The following TRPM4 variants were observed in gnomAD, a reference collection of about 807,000 sequenced individuals.
TRPM4 encodes transient receptor potential cation channel subfamily M member 4, also known as calcium-activated non-selective cation channel 1.
In TRPM4, 124 loss-of-function variants were observed where a neutral mutation model predicts 135.6. That is an observed-to-expected ratio of 0.91 (90% confidence interval 0.79 to 1.06). The LOEUF (loss-of-function observed/expected upper bound fraction) is 1.06, where lower values mean the gene tolerates loss of function less well. Among genes scored for constraint, TRPM4 ranks in the 50% least tolerant of loss-of-function variants. The probability of loss-of-function intolerance (pLI) is 0.00; values close to 1 mark genes in which losing one functional copy is unlikely to be tolerated. For synonymous variants in TRPM4, 745 were observed against 705.6 expected, an observed-to-expected ratio of 1.06 and a Z score of -0.88; for missense variants, 1,658 against 1,671.4, an observed-to-expected ratio of 0.99 and a Z score of 0.14.
rs866515551 is a variant in TRPM4 at position 49,161,323 on chromosome 19, C to T, written c.92+3064C>T. 5.5e-3 allele frequency among the ~76,000 whole-genome samples: 558 copies of T among 101,236 alleles called. 11 individuals carry two copies. Among genetic ancestry groups the T allele is most frequent in the African/African-American group, 0.014 (385 of 26,776 alleles). 66.4% of individuals were successfully genotyped at this position (101,236 alleles called of 152,430 possible). A position where few individuals can be genotyped will look rare whatever the true frequency, so the allele number is the denominator to read the frequency against. On this transcript the variant is annotated intron_variant, in intron 2 of 24. Coordinates refer to ENST00000252826, the MANE Select transcript of TRPM4 (RefSeq NM_017636.4). ...AAATATCTGTCTTCTGTCTCTCTCT[C>T]TTTTTTTTTTTTTTTTTTTTTTGAG...
At chr19:49,158,144 G>T (rs1399492451) in intron 1 of TRPM4, 48 bp from the exon 2 acceptor site, 1 of 1,567,782 alleles carries the variant, frequency 6.4e-7, no homozygotes, top group Non-Finnish European at 8.8e-7. Flanking sequence ...GACAGAACTG[G>T]GTGCCCTCTC....
At chr19:49,167,798 C>T (rs1348848995) in intron 3 of TRPM4, 119 bp from the exon 4 acceptor site, 1 of 805,168 alleles carries the variant, frequency 1.2e-6, no homozygotes, top group Non-Finnish European at 2.1e-6. Flanking sequence ...CTGTCCCTCT[C>T]TCTCTGGGTC....
chr19:49,162,462 C>T (rs907404854), intron 2 of TRPM4, among the ~76,000 whole-genome samples: 1 of 151,998 alleles, frequency 6.6e-6, no homozygotes, highest in Non-Finnish European at 1.5e-5. Flanking sequence ...TCGCTTGAGC[C>T]CAGGTGGCAG....
chr19:49,197,009 C>T (rs1968681847), intron 17 of TRPM4, 135 bp downstream of exon 17: 2 of 860,214 alleles, frequency 2.3e-6, no homozygotes, highest in South Asian at 3.6e-5. Context: ...GAGAACCCCT[C>T]TTAGGAAAGT....
In TRPM4 at chr19:49,158,274, C is replaced by G. The variant is rs746991223; in HGVS notation, c.92+15C>G. On this transcript the variant is annotated intron_variant, in intron 2 of 24. Coordinates refer to ENST00000252826, the MANE Select transcript of TRPM4 (RefSeq NM_017636.4). The stretch of plus-strand genomic sequence containing the variant: ...ACAGATCCGGGGTGAGGAGTTCGCC[C>G]CTGGACTGACCCCAGAGGGTCCGCG... 3 of 1,612,920 alleles carry G rather than the reference C, an allele frequency of 1.9e-6. No individual in the cohort carries two copies. In the South Asian group the frequency reaches 3.3e-5, roughly 18 times the overall value.
At chr19:49,181,527 C>CTTAT in intron 10 of TRPM4, 66 bp downstream of exon 10, 41 of 830,402 alleles carry the variant, frequency 4.9e-5, no homozygotes, top group African/African-American at 8.5e-5. Context: ...CCCTCTCTGC[C>CTTAT]TTCTTTTTTT....
In TRPM4 at chr19:49,157,813, G is replaced by A. The variant is rs919964718; in HGVS notation, c.-54G>A. The A allele has an allele frequency of 3.3e-6, 5 of 1,533,322 alleles. No individual in the cohort carries two copies. In the African/African-American group the frequency reaches 5.5e-5, roughly 17 times the overall value. 95.0% of individuals were successfully genotyped at this position (1,533,322 alleles called of 1,614,324 possible). A position where few individuals can be genotyped will look rare whatever the true frequency, so the allele number is the denominator to read the frequency against. On this transcript the variant is annotated 5_prime_UTR_variant, in exon 1 of 25. Transcript: ENST00000252826. ...CTGGGCGGGTCTGGAAGCAGAGCCG[G>A]CGGAGGGAGCGCCGGGGCCCTGGGC... is the stretch of plus-strand genomic sequence containing the variant.
At chr19:49,170,375 G>A (rs529083236) in intron 6 of TRPM4, among the ~76,000 whole-genome samples, 39 of 152,136 alleles carry the variant, frequency 2.6e-4, no homozygotes, top group African/African-American at 9.2e-4. Flanking sequence ...TTTTGGTAGA[G>A]ACGGGGTTTC....
intron 12 of TRPM4, among the ~76,000 whole-genome samples, chr19:49,187,707 G>A (rs1159707686): frequency 1.3e-5 from 2 of 152,124 alleles, no homozygotes; most frequent in Non-Finnish European, 2.9e-5. Flanking sequence ...CCGGCTGTGC[G>A]GGAGACCTCA....
chr19:49,171,246 A>G lies in TRPM4; in HGVS notation c.797-111A>G. ...TGACAATTCCAATGAGCCTCTGAAC[A>G]GAAGATTAGGACAAGGCTGATGTTT... On this transcript the variant is annotated intron_variant, in intron 6 of 24. Coordinates refer to ENST00000252826, the MANE Select transcript of TRPM4 (RefSeq NM_017636.4). This position sits in a 1 kb window ranked among gnomAD's most constrained non-coding sequence, Gnocchi z 4.7. 8.8e-7 allele frequency: 1 copy of G among 1,137,646 alleles called. No individual in the cohort carries two copies. The highest frequency in any genetic ancestry group is 1.2e-5 in the South Asian group (1 of 80,760). 70.5% of individuals were successfully genotyped at this position (1,137,646 alleles called of 1,614,324 possible).
rs1225621427 is a variant in TRPM4, at chr19:49,171,145, G to A, written c.797-212G>A. Among the ~76,000 whole-genome samples, 1 of 152,150 alleles carries A rather than the reference G, an allele frequency of 6.6e-6. No individual in the cohort carries two copies. The highest frequency in any genetic ancestry group is 1.5e-5 in the Non-Finnish European group (1 of 68,022). ...AGTTGGGAGGATTGCTTGAGGCCAG[G>A]AGTTCGAGACCACCCTGGCCAACAT... On this transcript the variant is annotated intron_variant, in intron 6 of 24. Transcript: ENST00000252826. The surrounding 1 kb of genome is among the most constrained non-coding windows in gnomAD (Gnocchi z 4.7).
At chr19:49,193,621 G>A (rs1164470647) in intron 16 of TRPM4, among the ~76,000 whole-genome samples, 2 of 152,096 alleles carry the variant, frequency 1.3e-5, no homozygotes. Flanking sequence ...CAGAGAGGCT[G>A]GGGCTGAGCC....
At position 49,172,117 on chromosome 19, in the gene TRPM4, T is replaced by A. The variant is rs1329402678; in HGVS notation, c.1150+9T>A. 5 of 1,602,894 alleles carry A rather than the reference T, an allele frequency of 3.1e-6. No homozygotes were observed. The African/African-American group carries it at 5.4e-5, about 17-fold the overall frequency. On this transcript the variant is annotated intron_variant, in intron 9 of 24. Coordinates refer to ENST00000252826, the MANE Select transcript of TRPM4 (RefSeq NM_017636.4). ...GAAGGCCCTTGTGAAGGGTAAAAGT[T>A]GTACCCTCCAGTCTTCCCCCTCTCT...
chr19:49,179,480 G>T (rs1018679683), intron 9 of TRPM4, among the ~76,000 whole-genome samples: 3 of 152,050 alleles, frequency 2.0e-5, no homozygotes, highest in Non-Finnish European at 4.4e-5. Flanking sequence ...CTCCCAAGTA[G>T]CTGGGACTAC....
chr19:49,161,484 G>GA (rs1400755012), intron 2 of TRPM4, among the ~76,000 whole-genome samples: 9 of 151,362 alleles, frequency 5.9e-5, no homozygotes, highest in Non-Finnish European at 8.8e-5. Context: ...CACCATGCCT[G>GA]GCTAATTTTA....
rs544807596 is a variant in TRPM4 at position 49,196,675 on chromosome 19, C to A, written c.2446C>A (p.Leu816Met). 2.0e-5 allele frequency: 31 copies of A among 1,549,284 alleles called. No homozygotes were observed. Among genetic ancestry groups the A allele is most frequent in the Non-Finnish European group, 2.7e-5 (31 of 1,152,120 alleles). ...GGCGCCGCCCGGCTCCCTGGAGCTG[C>A]TGCTCTATTTCTGGGCTTTCACGCT... The part of the protein sequence containing the change: ...QPAPPGSLEL[L>M]LYFWAFTLLC... Residue 816 changes from leucine (L) to methionine (M), a missense_variant, in exon 17 of 25, where the codon CTG becomes ATG. Coordinates refer to ENST00000252826, the MANE Select transcript of TRPM4 (RefSeq NM_017636.4).
intron 2 of TRPM4, 129 bp from the exon 3 acceptor site, chr19:49,165,912 T>C: frequency 1.0e-6 from 1 of 957,500 alleles, no homozygotes. Context: ...AGGGGCAGCG[T>C]GGACTCTGCC....
intron 6 of TRPM4, among the ~76,000 whole-genome samples, chr19:49,169,563 G>A (rs931010215): frequency 6.6e-6 from 1 of 151,290 alleles, no homozygotes; most frequent in Non-Finnish European, 1.5e-5. Context: ...TTACAGGTGT[G>A]AGCCACCGCG....
In TRPM4 at chr19:49,201,881, G is replaced by A. The variant is rs141457943; in HGVS notation, c.2954-83G>A. 7,587 of 1,475,072 alleles carry A rather than the reference G, an allele frequency of 5.1e-3. 294 individuals are homozygous for A. The African/African-American group carries it at 0.085, about 17-fold the overall frequency. The allele number at this position is 1,475,072 out of a possible 1,614,324, so 91.4% of individuals were successfully genotyped here. The stretch of plus-strand genomic sequence containing the variant: ...TCCCAAAAGTGCTGGGATTACAGGC[G>A]TGAGCCACCGCGCCCGGCAGTCTTC... On this transcript the variant is annotated intron_variant, in intron 19 of 24. Coordinates refer to ENST00000252826, the MANE Select transcript of TRPM4 (RefSeq NM_017636.4).
Sources: allele counts gnomAD v4.1 joint callset (sites outside exome capture counted in the v4.1 genomes callset), GRCh38; gene constraint gnomAD v4.1.1; non-coding constraint Gnocchi (gnomAD v3.1); transcripts MANE v1.5; gene names NCBI Gene and HGNC (gene_info 2026-07-23, HGNC 2026-07-21).